CLIC2: variants seen among roughly 807,000 people sequenced by gnomAD.
CLIC2 encodes the protein CLIC family member 2.
Under a neutral mutation model 14.8 loss-of-function variants are expected in CLIC2, and 9 were observed. The observed-to-expected ratio is 0.61, with a 90% CI of 0.37 to 1.06. CLIC2 has a LOEUF of 1.06. CLIC2 is among the 50% of genes least tolerant of loss of function. CLIC2 has a pLI of 0.01. For missense variants in CLIC2, 148 were observed against 181.4 expected (o/e 0.82, Z 1.06); for synonymous variants, 61 against 66.3 (o/e 0.92, Z 0.39).
chrX:155,283,988 A>G (rs2074930519), intron 3 of CLIC2, among the ~76,000 whole-genome samples: 1 of 111,466 alleles, frequency 9.0e-6, no homozygotes, highest in Non-Finnish European at 1.9e-5. Context: ...AAGCTTTCTT[A>G]GTTTTTGAGG....
At chrX:155,316,686 A>G (rs182863591) in intron 1 of CLIC2, among the ~76,000 whole-genome samples, 1 of 110,178 alleles carries the variant, frequency 9.1e-6, no homozygotes, top group East Asian at 2.8e-4. Flanking sequence ...TAGTTTATTA[A>G]GTATTAACTA....
rs371050247 is a variant in CLIC2 at position 155,308,676 on chromosome X, T to C, written c.58-9531A>G. Reference sequence around the variant, plus strand: ...CTTAAAGCAGCAAGAGAAAAGAAACTAATAACATACAATGGCACTTCAGTG... The same window carrying C: ...CTTAAAGCAGCAAGAGAAAAGAAACCAATAACATACAATGGCACTTCAGTG... On this transcript the variant is annotated intron_variant, in intron 1 of 5. Coordinates refer to ENST00000369449, the MANE Select transcript of CLIC2 (RefSeq NM_001289.6). 1.3e-4 allele frequency among the ~76,000 whole-genome samples: 15 copies of C among 112,146 alleles called. 1 individual carries two copies. In the East Asian group the frequency reaches 2.2e-3, roughly 17 times the overall value.
chrX:155,323,073 G>A lies in CLIC2; in HGVS notation c.57+11298C>T, dbSNP rs926501925. On this transcript the variant is annotated intron_variant, in intron 1 of 5. Coordinates refer to ENST00000369449, the MANE Select transcript of CLIC2 (RefSeq NM_001289.6). ...CAACCAAAAAAGCACAGGATCAGAC[G>A]GATTCACAGCCAAATTCTACCAGAG... 2.7e-5 allele frequency among the ~76,000 whole-genome samples: 3 copies of A among 111,948 alleles called. No individual in the cohort carries two copies. In the Admixed American group the frequency reaches 2.8e-4, roughly 11 times the overall value.
chrX:155,295,472 C>A (rs897164314), intron 3 of CLIC2, among the ~76,000 whole-genome samples: 4 of 110,739 alleles, frequency 3.6e-5, no homozygotes, highest in African/African-American at 1.3e-4. Flanking sequence ...ACAAGAATGC[C>A]CACTTTCACC....
rs1557318703 is a variant in CLIC2, at chrX:155,299,036, C to T, written c.167G>A (p.Arg56Lys). Residue 56 changes from arginine (R) to lysine (K), a missense_variant and splice_region_variant, in exon 2 of 6, where the codon AGA (arginine) becomes AAA (lysine). By Grantham distance (26) the Arg-to-Lys change is conservative. Coordinates refer to ENST00000369449, the MANE Select transcript of CLIC2 (RefSeq NM_001289.6). ...TTTAACATGTCCTGATTTCTCTTACCTGGTCATGTCAACAGTTGTCACATT... is the reference window on the plus strand; with the variant it reads ...TTTAACATGTCCTGATTTCTCTTACTTGGTCATGTCAACAGTTGTCACATT... ...KFNVTTVDMT[R>K]KPEELKDLAP... 1 of 1,199,895 alleles carries T rather than the reference C, an allele frequency of 8.3e-7. No individual in the cohort carries two copies. Among genetic ancestry groups the T allele is most frequent in the South Asian group, 1.8e-5 (1 of 56,706 alleles).
chrX:155,325,567 A>G (rs782027574), intron 1 of CLIC2, among the ~76,000 whole-genome samples: 3 of 107,463 alleles, frequency 2.8e-5, no homozygotes, highest in Non-Finnish European at 3.8e-5. Context: ...ATGAGAACAC[A>G]TGGAACACTG....
At chrX:155,297,884 A>AAAAAAAAAAAAAAAAACAG (rs1557318527) in intron 3 of CLIC2, among the ~76,000 whole-genome samples, 2 of 45,228 alleles carry the variant, frequency 4.4e-5, no homozygotes, top group African/African-American at 5.9e-5. Flanking sequence ...AAAAAAAAAA[A>AAAAAAAAAAAAAAAAACAG]AAGAAGGTGA....
intron 1 of CLIC2, among the ~76,000 whole-genome samples, chrX:155,304,651 G>A (rs1318779667): frequency 1.9e-5 from 2 of 103,522 alleles, no homozygotes; most frequent in Non-Finnish European, 4.0e-5. Flanking sequence ...GAGGAGGAGA[G>A]GCGCTCTGCT....
In CLIC2 at chrX:155,277,385, G is replaced by T. The variant is rs1297566323; in HGVS notation, c.*518C>A. On this transcript the variant is annotated 3_prime_UTR_variant, in exon 6 of 6. Coordinates refer to ENST00000369449, the MANE Select transcript of CLIC2 (RefSeq NM_001289.6). The stretch of plus-strand genomic sequence containing the variant: ...CTGTTCTATGACCAATTGATCTTGA[G>T]CTCTTCCTAGAGCTGATTTTAAAAA... 1 of 112,788 alleles carries T rather than the reference G, an allele frequency of 8.9e-6. No individual in the cohort carries two copies. Among genetic ancestry groups the T allele is most frequent in the Non-Finnish European group, 1.9e-5 (1 of 54,049 alleles). 9.3% of individuals were successfully genotyped at this position (112,788 alleles called of 1,213,427 possible).
chrX:155,285,930 G>A (rs1352922773), intron 3 of CLIC2, among the ~76,000 whole-genome samples: 1 of 108,908 alleles, frequency 9.2e-6, no homozygotes, highest in Non-Finnish European at 1.9e-5. Flanking sequence ...ACAGAGGGAG[G>A]GGGGCTCCAA....
intron 1 of CLIC2, among the ~76,000 whole-genome samples, chrX:155,326,525 T>C (rs192094899): frequency 8.9e-6 from 1 of 112,099 alleles, no homozygotes; most frequent in African/African-American, 3.2e-5. Flanking sequence ...ACTTTGGCAA[T>C]TTCTTCCAAA....
chrX:155,317,006 T>C (rs1372756006), intron 1 of CLIC2, among the ~76,000 whole-genome samples: 1 of 111,377 alleles, frequency 9.0e-6, no homozygotes, highest in Admixed American at 9.6e-5. Flanking sequence ...ACACCCAGGA[T>C]CAATACTTTG....
At chrX:155,318,889 A>C (rs2075103821) in intron 1 of CLIC2, among the ~76,000 whole-genome samples, 1 of 112,103 alleles carries the variant, frequency 8.9e-6, no homozygotes, top group Admixed American at 9.5e-5. Flanking sequence ...CTGAATACAG[A>C]ACCCAGAAAT....
At position 155,318,095 on chromosome X, in the gene CLIC2, C is replaced by T. The variant is rs1352461445; in HGVS notation, c.57+16276G>A. On this transcript the variant is annotated intron_variant, in intron 1 of 5. Transcript: ENST00000369449. Reference sequence around the variant, plus strand: ...CCATCTATGACGAACCCATAGCCAACGTTATACTGAACAGGGAAAAGATGA... The same window carrying T: ...CCATCTATGACGAACCCATAGCCAATGTTATACTGAACAGGGAAAAGATGA... 3.6e-5 allele frequency among the ~76,000 whole-genome samples: 4 copies of T among 111,485 alleles called. 1 individual carries two copies. The highest frequency in any genetic ancestry group is 7.5e-4 in the South Asian group (2 of 2,654).
intron 1 of CLIC2, among the ~76,000 whole-genome samples, chrX:155,299,474 C>T (rs2075007149): frequency 9.0e-6 from 1 of 111,072 alleles, no homozygotes; most frequent in Admixed American, 9.6e-5. Flanking sequence ...TAGCTTCTTC[C>T]ACTTCTGAGA....
At position 155,279,266 on chromosome X, in the gene CLIC2, C is replaced by A. The variant is rs1044093098; in HGVS notation, c.465G>T (p.Leu155=). 1 of 1,209,917 alleles carries A rather than the reference C, an allele frequency of 8.3e-7. No individual in the cohort carries two copies. Among genetic ancestry groups the A allele is most frequent in the African/African-American group, 1.7e-5 (1 of 57,783 alleles). ...RLDDYLNTPL[L]DEIDPDSAEE... is the part of the protein sequence containing the mutation. ...CAGCACTGTCTGGATCAATTTCATC[C>A]AGAAGTGGGGTGTTTAAGTAGTCAT... The change falls in exon 5 of 6, where the codon CTG becomes CTT. Residue 155 remains leucine (L), a synonymous_variant. Transcript: ENST00000369449.
chrX:155,293,199 G>T, intron 3 of CLIC2: 3 of 783,939 alleles, frequency 3.8e-6, no homozygotes. Flanking sequence ...ACAGCCAGGA[G>T]GACTCTTTCC....
intron 3 of CLIC2, 83 bp downstream of exon 3, chrX:155,298,702 A>G (rs2075003683): frequency 9.0e-7 from 1 of 1,105,139 alleles, no homozygotes; most frequent in South Asian, 1.9e-5. Flanking sequence ...AAGTACTTAA[A>G]TTGGTAAGAA....
chrX:155,325,803 T>C (rs1188497030), intron 1 of CLIC2, among the ~76,000 whole-genome samples: 1 of 63,725 alleles, frequency 1.6e-5, no homozygotes, highest in Non-Finnish European at 2.8e-5. Flanking sequence ...TATATATATA[T>C]ATATGCACAC....
Sources: allele counts gnomAD v4.1 joint callset (sites outside exome capture counted in the v4.1 genomes callset), GRCh38; gene constraint gnomAD v4.1.1; transcripts MANE v1.5; gene names NCBI Gene and HGNC (gene_info 2026-07-23, HGNC 2026-07-21).